The following GALNT17 variants were observed in gnomAD, a reference collection of about 807,000 sequenced individuals.
The protein encoded by GALNT17 is UDP-GalNAc:polypeptide N-acetylgalactosaminyltransferase-like 3.
A neutral mutation model predicts 63.7 loss-of-function variants in GALNT17; 29 were observed. The observed-to-expected ratio is 0.46, with a 90% CI of 0.34 to 0.62. The LOEUF (loss-of-function observed/expected upper bound fraction) is 0.62, where lower values mean the gene tolerates loss of function less well. Among genes scored for constraint, GALNT17 ranks in the 20% least tolerant of loss-of-function variants. The pLI is 0.01. For synonymous variants in GALNT17, 305 were observed against 318.3 expected (o/e 0.96, Z 0.45); for missense variants, 603 against 799.6 (o/e 0.75, Z 2.97).
At chr7:71,312,060 A>G (rs957808848) in intron 1 of GALNT17, among the ~76,000 whole-genome samples, 1 of 152,192 alleles carries the variant, frequency 6.6e-6, no homozygotes, top group African/African-American at 2.4e-5. Context: ...GGCTGTGGCA[A>G]CACCCTAAAG....
chr7:71,646,431 G>A (rs1486200751), intron 6 of GALNT17, among the ~76,000 whole-genome samples: 1 of 152,138 alleles, frequency 6.6e-6, no homozygotes, highest in African/African-American at 2.4e-5. Flanking sequence ...CTTCCTCTGG[G>A]ACTCAGCGTG....
At chr7:71,302,115 C>T (rs752503530) in intron 1 of GALNT17, among the ~76,000 whole-genome samples, 4 of 152,042 alleles carry the variant, frequency 2.6e-5, no homozygotes, top group African/African-American at 7.2e-5. Context: ...CCAAACACCG[C>T]GTGTTGTCAC....
At chr7:71,587,112 C>T (rs145579270) in intron 6 of GALNT17, among the ~76,000 whole-genome samples, 10,627 of 152,226 alleles carry the variant, frequency 0.07, 467 homozygotes, top group South Asian at 0.13. Flanking sequence ...ACTGCAACCT[C>T]TGCCTCCTGG....
chr7:71,488,230 A>G (rs1787945437), intron 5 of GALNT17, among the ~76,000 whole-genome samples: 1 of 151,470 alleles, frequency 6.6e-6, no homozygotes, highest in African/African-American at 2.4e-5. Flanking sequence ...TGCGCCCAAG[A>G]ACCAATGAGA....
At chr7:71,245,157 T>C (rs1288088300) in intron 1 of GALNT17, among the ~76,000 whole-genome samples, 1 of 152,162 alleles carries the variant, frequency 6.6e-6, no homozygotes, top group African/African-American at 2.4e-5. Flanking sequence ...TTGGCACCCA[T>C]CTGCCCTCGT....
chr7:71,368,693 G>A lies in GALNT17; in HGVS notation c.423-19542G>A, dbSNP rs147874687. Reference sequence around the variant, plus strand: ...TAACAGTGAGATTTTAGAAATTTCTGTATCCTCAACACTTTGCTTGCCCAT... The same window carrying A: ...TAACAGTGAGATTTTAGAAATTTCTATATCCTCAACACTTTGCTTGCCCAT... On this transcript the variant is annotated intron_variant, in intron 2 of 10. Coordinates refer to ENST00000333538, the MANE Select transcript of GALNT17 (RefSeq NM_022479.3). Among the ~76,000 whole-genome samples, 376 of 152,198 alleles carry A rather than the reference G, an allele frequency of 2.5e-3. 4 individuals are homozygous for A. Among genetic ancestry groups the A allele is most frequent in the African/African-American group, 8.5e-3 (354 of 41,516 alleles).
At chr7:71,254,103 A>T (rs1214820300) in intron 1 of GALNT17, among the ~76,000 whole-genome samples, 3 of 152,230 alleles carry the variant, frequency 2.0e-5, no homozygotes, top group Non-Finnish European at 2.9e-5. Flanking sequence ...GAAAGGCAGG[A>T]CCACTCAAAG....
At chr7:71,176,287 A>G (rs1788637275) in intron 1 of GALNT17, among the ~76,000 whole-genome samples, 1 of 152,120 alleles carries the variant, frequency 6.6e-6, no homozygotes, top group East Asian at 1.9e-4. Context: ...CAAGTTCAGG[A>G]GGAGGAAAGA....
chr7:71,321,345 G>C (rs374372962), intron 1 of GALNT17, among the ~76,000 whole-genome samples: 1 of 152,222 alleles, frequency 6.6e-6, no homozygotes, highest in African/African-American at 2.4e-5. Context: ...AGACACTCTT[G>C]GGCATATCAG....
intron 1 of GALNT17, among the ~76,000 whole-genome samples, chr7:71,288,194 C>T (rs1358673580): frequency 4.2e-5 from 5 of 118,096 alleles, no homozygotes; most frequent in East Asian, 5.0e-4. Flanking sequence ...CTAGCCTGGG[C>T]GACAGAGTGG....
chr7:71,481,295 C>G (rs925007274), intron 5 of GALNT17, among the ~76,000 whole-genome samples: 1 of 152,008 alleles, frequency 6.6e-6, no homozygotes, highest in Non-Finnish European at 1.5e-5. Flanking sequence ...CAAAAAAATA[C>G]AAAAATTAGT....
intron 1 of GALNT17, among the ~76,000 whole-genome samples, chr7:71,196,092 T>A (rs1789043490): frequency 6.6e-6 from 1 of 152,138 alleles, no homozygotes; most frequent in Admixed American, 6.6e-5. Flanking sequence ...CCTCCTCCCA[T>A]GTGCCTGTTC....
Position 71,670,183 on chromosome 7 carries a change from T to G in GALNT17, c.1404+74T>G. The G allele has an allele frequency of 3.1e-6, 5 of 1,591,766 alleles. No homozygotes were observed. In the South Asian group the frequency reaches 3.4e-5, roughly 11 times the overall value. Reference sequence around the variant, plus strand: ...TGTGGGTTGCTTCGCTGGGGAGAAATAGAGTTGCTCATTCATTCATTCAAT... The same window carrying G: ...TGTGGGTTGCTTCGCTGGGGAGAAAGAGAGTTGCTCATTCATTCATTCAAT... On this transcript the variant is annotated intron_variant, in intron 8 of 10. Coordinates refer to ENST00000333538, the MANE Select transcript of GALNT17 (RefSeq NM_022479.3).
At chr7:71,273,854 T>TGTGTGAGA (rs763085671) in intron 1 of GALNT17, among the ~76,000 whole-genome samples, 1 of 151,360 alleles carries the variant, frequency 6.6e-6, no homozygotes, top group Non-Finnish European at 1.5e-5. Flanking sequence ...TGTGTGTGTG[T>TGTGTGAGA]GAGAGAGAGA....
At chr7:71,581,833 T>C (rs1789640041) in intron 6 of GALNT17, among the ~76,000 whole-genome samples, 1 of 152,054 alleles carries the variant, frequency 6.6e-6, no homozygotes, top group Admixed American at 6.6e-5. Context: ...GACAGTGAGA[T>C]GTCAAGGGAA....
chr7:71,562,812 T>C (rs952493051), intron 5 of GALNT17, among the ~76,000 whole-genome samples: 2 of 152,098 alleles, frequency 1.3e-5, no homozygotes, highest in African/African-American at 4.8e-5. Flanking sequence ...AAAGGATCTA[T>C]AGGGTTGATG....
At chr7:71,301,590 T>C (rs916950005) in intron 1 of GALNT17, among the ~76,000 whole-genome samples, 7 of 151,926 alleles carry the variant, frequency 4.6e-5, no homozygotes, top group African/African-American at 1.7e-4. Context: ...TTAAGTAAGA[T>C]GAATAAGTTC....
chr7:71,572,516 A>AAAAC (rs1554310749), intron 6 of GALNT17, among the ~76,000 whole-genome samples: 3 of 99,268 alleles, frequency 3.0e-5, no homozygotes, highest in African/African-American at 9.6e-5. Flanking sequence ...AAAAAAAAAA[A>AAAAC]AAAAAAAAAA....
At chr7:71,618,350 G>A (rs1239695116) in intron 6 of GALNT17, among the ~76,000 whole-genome samples, 1 of 152,134 alleles carries the variant, frequency 6.6e-6, no homozygotes, top group Non-Finnish European at 1.5e-5. Context: ...TGGCTGGCTC[G>A]AATGGCAGCT....
Sources: gnomAD v4.1 joint callset for allele counts (sites outside exome capture counted in the v4.1 genomes callset) on GRCh38, gnomAD v4.1.1 for gene constraint, MANE v1.5 for transcripts, NCBI Gene and HGNC (gene_info 2026-07-23, HGNC 2026-07-21) for gene names.